TLR3: variants seen among roughly 807,000 people sequenced by gnomAD.
TLR3 encodes the protein toll-like receptor 3.
A neutral mutation model predicts 66.4 loss-of-function variants in TLR3; 43 were observed. That is an observed-to-expected ratio of 0.65 (90% CI 0.51 to 0.83). The LOEUF is 0.83. Among genes scored for constraint, TLR3 ranks in the 40% least tolerant of loss-of-function variants. The pLI is 0.00. For synonymous variants in TLR3, 397 were observed against 397.2 expected (o/e 1.00, Z 0.01); for missense variants, 982 against 1,044.6 (o/e 0.94, Z 0.83).
intron 3 of TLR3, among the ~76,000 whole-genome samples, chr4:186,079,867 T>TTA (rs946701579): frequency 1.3e-5 from 2 of 152,192 alleles, no homozygotes; most frequent in Admixed American, 1.3e-4. Flanking sequence ...GCTGGGGATT[T>TTA]TACAGGGTCT....
chr4:186,079,075 G>C (rs779007111), intron 3 of TLR3, 44 bp downstream of exon 3: 1 of 1,511,348 alleles, frequency 6.6e-7, no homozygotes, highest in African/African-American at 1.4e-5. Context: ...CCTTTAAGGT[G>C]GATAGTCCCT....
chr4:186,076,834 C>T lies in TLR3; in HGVS notation c.215C>T (p.Thr72Ile), dbSNP rs760739824. Reference protein sequence around the residue: ...QLRRLPAANFTRYSQLTSLDV... With the variant: ...QLRRLPAANFIRYSQLTSLDV... The stretch of plus-strand genomic sequence containing the variant: ...AGAAGATTACCAGCCGCCAACTTCA[C>T]AAGGTATAGCCAGCTAACTAGCTTG... Residue 72 changes from threonine to isoleucine, a missense_variant, in exon 2 of 5, where the codon ACA (threonine) becomes ATA (isoleucine). Physicochemically the swap from Thr to Ile is moderately conservative, Grantham distance 89 (BLOSUM62 -1). Around this residue, in one of 3 missense-constraint regions of TLR3, gnomAD observed 313 missense variants for 319.0 expected, o/e 0.98. Coordinates refer to ENST00000296795, the MANE Select transcript of TLR3 (RefSeq NM_003265.3). The T allele has an allele frequency of 9.3e-6, 15 of 1,614,152 alleles. No individual in the cohort carries two copies. Among genetic ancestry groups the T allele is most frequent in the Non-Finnish European group, 1.3e-5 (15 of 1,180,034 alleles).
In TLR3 at chr4:186,083,679, C is replaced by T. The variant is rs1427201249; in HGVS notation, c.1993C>T (p.His665Tyr). Residue 665 changes from histidine (H) to tyrosine (Y), a missense_variant, in exon 4 of 5, where the codon CAT (histidine) becomes TAT (tyrosine). Around this residue, in one of 3 missense-constraint regions of TLR3, gnomAD observed 666 missense variants for 709.0 expected, o/e 0.94. Transcript: ENST00000296795. The surrounding 1 kb of genome is among the most constrained non-coding windows in gnomAD (Gnocchi z 4.0). ...GTTTGTTAATTGGATTAACGAGACCCATACCAACATCCCTGAGCTGTCAAG... is the reference window on the plus strand; with the variant it reads ...GTTTGTTAATTGGATTAACGAGACCTATACCAACATCCCTGAGCTGTCAAG... Reference protein sequence around the residue: ...AWFVNWINETHTNIPELSSHY... With the variant: ...AWFVNWINETYTNIPELSSHY... 4 of 1,598,356 alleles carry T rather than the reference C, an allele frequency of 2.5e-6. No individual in the cohort carries two copies. The African/African-American group carries it at 4.0e-5, about 16-fold the overall frequency.
chr4:186,082,071 A>G (rs547162209), intron 3 of TLR3: 1 of 491,624 alleles, frequency 2.0e-6, no homozygotes, highest in South Asian at 2.3e-5. Flanking sequence ...CTAAAAATAC[A>G]AAACTTAGCT....
At chr4:186,070,738 C>G (rs916069141) in intron 1 of TLR3, among the ~76,000 whole-genome samples, 5 of 150,968 alleles carry the variant, frequency 3.3e-5, no homozygotes, top group African/African-American at 4.9e-5. Flanking sequence ...AGGTCTTGCT[C>G]TGTTGCCCAG....
chr4:186,080,891 C>T (rs1180405411), intron 3 of TLR3, among the ~76,000 whole-genome samples: 1 of 152,134 alleles, frequency 6.6e-6, no homozygotes, highest in East Asian at 1.9e-4. Context: ...CGCGCCCAGC[C>T]TGGAGGGGGC....
At chr4:186,073,519 CA>C (rs796904121) in intron 1 of TLR3, among the ~76,000 whole-genome samples, 1 of 141,810 alleles carries the variant, frequency 7.1e-6, no homozygotes, top group Admixed American at 7.1e-5. Context: ...GACTCCATCT[CA>C]AAAAAAAAAC....
At chr4:186,080,174 TA>T (rs1455876712) in intron 3 of TLR3, among the ~76,000 whole-genome samples, 1 of 151,794 alleles carries the variant, frequency 6.6e-6, no homozygotes, top group Non-Finnish European at 1.5e-5. Flanking sequence ...TGGAAATCCT[TA>T]ATTACAACTC....
At chr4:186,075,798 G>C (rs1413230404) in intron 1 of TLR3, among the ~76,000 whole-genome samples, 2 of 152,194 alleles carry the variant, frequency 1.3e-5, no homozygotes, top group South Asian at 2.1e-4. Flanking sequence ...ATAGCTGACA[G>C]TTTTAGGAAA....
At chr4:186,082,288 AT>A (rs772105763) in intron 3 of TLR3, 31 bp from the exon 4 acceptor site, 1 of 987,514 alleles carries the variant, frequency 1.0e-6, no homozygotes, top group Non-Finnish European at 1.5e-6. Flanking sequence ...TGTTCTTTTG[AT>A]TGTTAACCTC....
intron 1 of TLR3, among the ~76,000 whole-genome samples, chr4:186,072,028 A>T (rs2099301552): frequency 6.6e-6 from 1 of 152,210 alleles, no homozygotes; most frequent in Non-Finnish European, 1.5e-5. Context: ...TATGGAGTTG[A>T]GTGGCTTTCC....
chr4:186,074,255 C>T (rs767194802), intron 1 of TLR3, among the ~76,000 whole-genome samples: 20 of 152,192 alleles, frequency 1.3e-4, no homozygotes, highest in Non-Finnish European at 2.5e-4. Context: ...GGGACTTCAT[C>T]CTTGTGGGAA....
In TLR3 at chr4:186,087,092, T is replaced by C. The variant is rs2099304480; in HGVS notation, c.*2219T>C. 6.6e-6 allele frequency: 1 copy of C among 152,236 alleles called. No individual in the cohort carries two copies. The highest frequency in any genetic ancestry group is 2.4e-5 in the African/African-American group (1 of 41,458). 9.4% of individuals were successfully genotyped at this position (152,236 alleles called of 1,614,324 possible). On this transcript the variant is annotated 3_prime_UTR_variant, in exon 5 of 5. Transcript: ENST00000296795. ...TACGCAAATGAATAGCTGTCACAGC[T>C]GAGGTAGAGTTACAGTGATTTACTT...
intron 1 of TLR3, among the ~76,000 whole-genome samples, chr4:186,075,036 A>C (rs1488834716): frequency 6.6e-6 from 1 of 152,204 alleles, no homozygotes. Context: ...TTAACTTAAA[A>C]AAAAATTAGT....
chr4:186,075,281 TCAGTTC>T (rs1462341556), intron 1 of TLR3, among the ~76,000 whole-genome samples: 2 of 152,200 alleles, frequency 1.3e-5, no homozygotes, highest in Non-Finnish European at 2.9e-5. Flanking sequence ...TAAGAATTTT[TCAGTTC>T]CATTATGATC....
Position 186,083,499 on chromosome 4 carries a change from G to T in TLR3, c.1813G>T (p.Val605Phe). The change falls in exon 4 of 5, where the codon GTC (valine) becomes TTC (phenylalanine). Residue 605 changes from valine (V) to phenylalanine (F), a missense_variant. By Grantham distance (50) the Val-to-Phe change is conservative. Transcript: ENST00000296795. The surrounding 1 kb of genome is among the most constrained non-coding windows in gnomAD (Gnocchi z 4.0). Reference sequence around the variant, plus strand: ...TAATTTAAACACACTTCCAGCATCTGTCTTTAATAATCAGGTGTCTCTAAA... The same window carrying T: ...TAATTTAAACACACTTCCAGCATCTTTCTTTAATAATCAGGTGTCTCTAAA... ...LNNLNTLPAS[V>F]FNNQVSLKSL... is the part of the protein sequence containing the mutation. 6.2e-7 allele frequency: 1 copy of T among 1,607,578 alleles called. No homozygotes were observed. Among genetic ancestry groups the T allele is most frequent in the Non-Finnish European group, 8.5e-7 (1 of 1,176,392 alleles).
rs1184843656 is a variant in TLR3 at position 186,082,887 on chromosome 4, T to C, written c.1201T>C (p.Phe401Leu). The C allele has an allele frequency of 1.2e-6, 2 of 1,613,766 alleles. No homozygotes were observed. Among genetic ancestry groups the C allele is most frequent in the African/African-American group, 1.3e-5 (1 of 74,922 alleles). Residue 401 changes from phenylalanine to leucine, a missense_variant, in exon 4 of 5, where the codon TTT becomes CTT. Coordinates refer to ENST00000296795, the MANE Select transcript of TLR3 (RefSeq NM_003265.3). Reference sequence around the variant, plus strand: ...TTTGCGAACTTTGACAAATGAAACATTTGTATCACTTGCTCATTCTCCCTT... The same window carrying C: ...TTTGCGAACTTTGACAAATGAAACACTTGTATCACTTGCTCATTCTCCCTT... ...TSLRTLTNET[F>L]VSLAHSPLHI...
rs545122357 is a variant in TLR3 at position 186,085,375 on chromosome 4, C to T, written c.*502C>T. 3 of 154,976 alleles carry T rather than the reference C, an allele frequency of 1.9e-5. No homozygotes were observed. The highest frequency in any genetic ancestry group is 7.2e-5 in the African/African-American group (3 of 41,560). 9.6% of individuals were successfully genotyped at this position (154,976 alleles called of 1,614,324 possible). On this transcript the variant is annotated 3_prime_UTR_variant, in exon 5 of 5. Coordinates refer to ENST00000296795, the MANE Select transcript of TLR3 (RefSeq NM_003265.3). ...TTTGTATTTTAGTAAGTACTTGTCT[C>T]AGTGTTGACTTTGTTAAATGTTAAA...
chr4:186,072,600 G>A (rs2099301685), intron 1 of TLR3, among the ~76,000 whole-genome samples: 1 of 152,182 alleles, frequency 6.6e-6, no homozygotes. Flanking sequence ...GTGAGCCACT[G>A]CGCCCAACCA....
Sources: allele counts gnomAD v4.1 joint callset (sites outside exome capture counted in the v4.1 genomes callset), GRCh38; gene constraint gnomAD v4.1.1; regional missense constraint gnomAD v4.1.1; non-coding constraint Gnocchi (gnomAD v3.1); transcripts MANE v1.5; gene names NCBI Gene and HGNC (gene_info 2026-07-23, HGNC 2026-07-21).